Variants in DENND4C observed in about 807,000 individuals in gnomAD.
DENND4C encodes the protein DENN domain-containing protein 4C.
In DENND4C, 108 loss-of-function variants were observed where a neutral mutation model predicts 203.0. The observed-to-expected ratio is 0.53, with a 90% confidence interval of 0.46 to 0.62. The LOEUF (loss-of-function observed/expected upper bound fraction) is 0.62. Ranked by LOEUF, DENND4C falls within the 20% of genes least tolerant of loss-of-function variation. The pLI is 0.00. For missense variants in DENND4C, 2,481 were observed against 2,301.2 expected, an observed-to-expected ratio of 1.08 and a Z score of -1.60; for synonymous variants, 871 against 792.4, an observed-to-expected ratio of 1.10 and a Z score of -1.67.
chr9:19,309,149 G>A (rs1428850495), intron 10 of DENND4C, among the ~76,000 whole-genome samples: 1 of 152,146 alleles, frequency 6.6e-6, no homozygotes, highest in African/African-American at 2.4e-5. Context: ...TAGGCCGGGA[G>A]TGGTGGCTCA....
Position 19,326,197 on chromosome 9 carries a change from A to G in DENND4C, c.2120+3A>G, listed in dbSNP as rs1177179277. 6.2e-7 allele frequency: 1 copy of G among 1,600,942 alleles called. No homozygotes were observed. Among genetic ancestry groups the G allele is most frequent in the Non-Finnish European group, 8.5e-7 (1 of 1,176,836 alleles). Reference sequence around the variant, plus strand: ...AAGGACCTGTCACCAAAGTACAGGTAGTAGGAAGTTTTAAAAGAGCTTAAT... The same window carrying G: ...AAGGACCTGTCACCAAAGTACAGGTGGTAGGAAGTTTTAAAAGAGCTTAAT... On this transcript the variant is annotated splice_donor_region_variant and intron_variant, in intron 15 of 32. Transcript: ENST00000434457.
At chr9:19,287,467 C>T (rs1276413265) in intron 3 of DENND4C, among the ~76,000 whole-genome samples, 1 of 149,488 alleles carries the variant, frequency 6.7e-6, no homozygotes, top group East Asian at 2.0e-4. Context: ...AGCCTTGACC[C>T]CCCACCAGGC....
At chr9:19,340,280 C>A (rs1288188826) in intron 20 of DENND4C, among the ~76,000 whole-genome samples, 1 of 152,112 alleles carries the variant, frequency 6.6e-6, no homozygotes, top group African/African-American at 2.4e-5. Context: ...CAAAAACAAA[C>A]CTACTAAGAT....
At chr9:19,323,767 C>G (rs1205044067) in intron 12 of DENND4C, among the ~76,000 whole-genome samples, 2 of 152,184 alleles carry the variant, frequency 1.3e-5, no homozygotes, top group African/African-American at 4.8e-5. Context: ...GAAATTTCTA[C>G]TTAAAAGTTG....
intron 1 of DENND4C, among the ~76,000 whole-genome samples, chr9:19,270,967 C>A (rs757774191): frequency 9.2e-5 from 14 of 151,988 alleles, no homozygotes; most frequent in Non-Finnish European, 5.9e-5. Flanking sequence ...TAAAATGATG[C>A]CATTCACAGT....
At chr9:19,356,936 T>C in intron 26 of DENND4C, 36 bp from the exon 27 acceptor site, 1 of 1,585,718 alleles carries the variant, frequency 6.3e-7, no homozygotes, top group Non-Finnish European at 8.6e-7. Flanking sequence ...CTTGAGGATT[T>C]TTAAAGGCTC....
At chr9:19,234,541 T>TG (rs1821412143) in intron 1 of DENND4C, among the ~76,000 whole-genome samples, 1 of 149,234 alleles carries the variant, frequency 6.7e-6, no homozygotes, top group Admixed American at 6.7e-5. Context: ...TTTTTTTTTT[T>TG]TTTTTTTTTT....
intron 30 of DENND4C, among the ~76,000 whole-genome samples, chr9:19,362,490 A>G (rs376099159): frequency 6.6e-6 from 1 of 151,666 alleles, no homozygotes; most frequent in Non-Finnish European, 1.5e-5. Flanking sequence ...AAAGCAAATT[A>G]TTTTGCTTTA....
intron 20 of DENND4C, among the ~76,000 whole-genome samples, chr9:19,337,914 T>G (rs1320818361): frequency 6.6e-6 from 1 of 152,244 alleles, no homozygotes; most frequent in Non-Finnish European, 1.5e-5. Flanking sequence ...AATTCTTATT[T>G]TGAGGTTGGT....
intron 22 of DENND4C, among the ~76,000 whole-genome samples, chr9:19,345,300 G>A (rs1451171852): frequency 6.6e-6 from 1 of 152,152 alleles, no homozygotes; most frequent in Non-Finnish European, 1.5e-5. Context: ...CTTCTGTGAA[G>A]GCTAGGATTA....
intron 2 of DENND4C, among the ~76,000 whole-genome samples, chr9:19,282,695 T>A (rs1394721846): frequency 3.4e-5 from 5 of 147,458 alleles, no homozygotes; most frequent in African/African-American, 1.2e-4. Flanking sequence ...TTTGTTTTTC[T>A]TTTTCTTTTT....
At chr9:19,336,560 A>T in intron 19 of DENND4C, 126 bp from the exon 20 acceptor site, 2 of 1,430,928 alleles carry the variant, frequency 1.4e-6, no homozygotes, top group Non-Finnish European at 1.8e-6. Flanking sequence ...GTCCAAAATT[A>T]TTTTTGTTTT....
At chr9:19,231,762 C>G (rs1820625286) in intron 1 of DENND4C, among the ~76,000 whole-genome samples, 1 of 151,894 alleles carries the variant, frequency 6.6e-6, no homozygotes, top group African/African-American at 2.4e-5. Context: ...TCAGCTGTCT[C>G]TTTGTGCCTC....
At chr9:19,300,627 A>G (rs1245574980) in intron 9 of DENND4C, among the ~76,000 whole-genome samples, 1 of 152,190 alleles carries the variant, frequency 6.6e-6, no homozygotes, top group Non-Finnish European at 1.5e-5. Context: ...CTGAGAATGA[A>G]GCTGGTTGTA....
rs149117523 is a variant in DENND4C, at chr9:19,270,063, C to G, written c.-17-6095C>G. 4.3e-4 allele frequency among the ~76,000 whole-genome samples: 65 copies of G among 152,242 alleles called. 1 individual carries two copies. Among genetic ancestry groups the G allele is most frequent in the African/African-American group, 2.4e-5 (1 of 41,554 alleles). ...GGTCTTGGGTAATAGCCAGTATTCC[C>G]TGGATTACCAGGCACAGTCTCTTGT... is the stretch of plus-strand genomic sequence containing the variant. On this transcript the variant is annotated intron_variant, in intron 1 of 32. Transcript: ENST00000434457.
In DENND4C at chr9:19,341,019, C is replaced by A; in HGVS notation, c.2909C>A (p.Ser970Tyr). The A allele has an allele frequency of 6.2e-7, 1 of 1,612,578 alleles. No individual in the cohort carries two copies. Among genetic ancestry groups the A allele is most frequent in the Non-Finnish European group, 8.5e-7 (1 of 1,179,326 alleles). ...GGTCAGTCTGACCAAGGATACGGGTCTAAGGATGAACTTATAAAGGATGAT... is the reference window on the plus strand; with the variant it reads ...GGTCAGTCTGACCAAGGATACGGGTATAAGGATGAACTTATAAAGGATGAT... Reference protein sequence around the residue: ...TGGQSDQGYGSKDELIKDDAE... With the variant: ...TGGQSDQGYGYKDELIKDDAE... Residue 970 changes from serine to tyrosine, a missense_variant, in exon 21 of 33, where the codon TCT becomes TAT. Transcript: ENST00000434457.
rs1360625922 is a variant in DENND4C at position 19,313,759 on chromosome 9, A to G, written c.1488-2658A>G. 2.0e-5 allele frequency among the ~76,000 whole-genome samples: 3 copies of G among 152,186 alleles called. No homozygotes were observed. In the East Asian group the frequency reaches 5.8e-4, roughly 29 times the overall value. On this transcript the variant is annotated intron_variant, in intron 10 of 32. Coordinates refer to ENST00000434457, the MANE Select transcript of DENND4C (RefSeq NM_001330640.2). ...ATTAAGCCAGGGAGCACTTGAAGTT[A>G]GTTATTTTGACTTACAGTTTCTTGT...
intron 1 of DENND4C, among the ~76,000 whole-genome samples, chr9:19,242,471 C>T (rs146229668): frequency 6.6e-6 from 1 of 152,240 alleles, no homozygotes; most frequent in Non-Finnish European, 1.5e-5. Flanking sequence ...ATATGGTAGG[C>T]CTGTATTTAG....
At position 19,374,255 on chromosome 9, in the gene DENND4C, A is replaced by G. The variant is rs182958765; in HGVS notation, c.*2082A>G. ...TACTGACGCGCTTCCCATTAAAAAA[A>G]ATCTGTAAAGATCTCTACCTTGAAA... On this transcript the variant is annotated 3_prime_UTR_variant, in exon 33 of 33. Coordinates refer to ENST00000434457, the MANE Select transcript of DENND4C (RefSeq NM_001330640.2). Among the ~76,000 whole-genome samples, 1 of 152,198 alleles carries G rather than the reference A, an allele frequency of 6.6e-6. No individual in the cohort carries two copies. Among genetic ancestry groups the G allele is most frequent in the African/African-American group, 2.4e-5 (1 of 41,452 alleles).
Sources: allele counts gnomAD v4.1 joint callset (sites outside exome capture counted in the v4.1 genomes callset), GRCh38; gene constraint gnomAD v4.1.1; transcripts MANE v1.5; gene names NCBI Gene and HGNC (gene_info 2026-07-23, HGNC 2026-07-21).